Variants in MECOM observed in about 807,000 individuals in gnomAD.
The protein encoded by MECOM is histone-lysine N-methyltransferase MECOM.
A neutral mutation model predicts 116.3 loss-of-function variants in MECOM; 13 were observed. The observed-to-expected ratio is 0.11, with a 90% confidence interval of 0.07 to 0.18. The LOEUF (loss-of-function observed/expected upper bound fraction) is 0.18, where lower values mean the gene tolerates loss of function less well. Ranked by LOEUF, MECOM falls within the 10% of genes least tolerant of loss-of-function variation. The pLI is 1.00. For missense variants in MECOM, 1,299 were observed against 1,509.0 expected (o/e 0.86, Z 2.31); for synonymous variants, 528 against 535.2 (o/e 0.99, Z 0.19).
chr3:169,236,744 CAT>C (rs1754120224), intron 2 of MECOM, among the ~76,000 whole-genome samples: 1 of 152,148 alleles, frequency 6.6e-6, no homozygotes, highest in African/African-American at 2.4e-5. Context: ...GAATAAGTAA[CAT>C]ATATTTATAC....
chr3:169,232,252 C>T (rs1256403280), intron 2 of MECOM, among the ~76,000 whole-genome samples: 2 of 152,078 alleles, frequency 1.3e-5, no homozygotes, highest in African/African-American at 4.8e-5. Flanking sequence ...CCAAAAATTA[C>T]CATTTTGAGG....
intron 2 of MECOM, among the ~76,000 whole-genome samples, chr3:169,299,222 C>G (rs1716233005): frequency 6.6e-6 from 1 of 152,022 alleles, no homozygotes; most frequent in Non-Finnish European, 1.5e-5. Context: ...CTCAGGAGGC[C>G]CGTTTATTGC....
chr3:169,101,277 C>A (rs920876383), intron 11 of MECOM, among the ~76,000 whole-genome samples: 1 of 152,036 alleles, frequency 6.6e-6, no homozygotes, highest in Non-Finnish European at 1.5e-5. Context: ...CAAAATTGAA[C>A]CAGATAAGGG....
chr3:169,593,352 T>C (rs1265882824), intron 1 of MECOM, among the ~76,000 whole-genome samples: 2 of 152,200 alleles, frequency 1.3e-5, no homozygotes, highest in African/African-American at 4.8e-5. Flanking sequence ...GCTAACAAAC[T>C]AAATTCCACA....
intron 3 of MECOM, among the ~76,000 whole-genome samples, chr3:169,136,750 T>C (rs1736480512): frequency 6.6e-6 from 1 of 152,090 alleles, no homozygotes. Flanking sequence ...GTTTGTATTG[T>C]TGAGACAGAA....
At chr3:169,422,053 T>C (rs1739861443) in intron 1 of MECOM, among the ~76,000 whole-genome samples, 2 of 152,108 alleles carry the variant, frequency 1.3e-5, no homozygotes, top group African/African-American at 4.8e-5. Context: ...CAATTGTAAG[T>C]TTTATTTTTG....
At chr3:169,499,877 A>C (rs907803419) in intron 1 of MECOM, among the ~76,000 whole-genome samples, 1 of 151,996 alleles carries the variant, frequency 6.6e-6, no homozygotes, top group Non-Finnish European at 1.5e-5. Flanking sequence ...ATTAAGGGTA[A>C]CCAATAGAGG....
Position 169,221,544 on chromosome 3 carries a change from C to A in MECOM, c.376-77712G>T, listed in dbSNP as rs35304707. ...CTTTTTGCTGTACTCAAGAGCACAG[C>A]TTTTGGAGACGTAAAGAGATGTTAA... On this transcript the variant is annotated intron_variant, in intron 2 of 16. Transcript: ENST00000651503. Among the ~76,000 whole-genome samples, 410 of 146,780 alleles carry A rather than the reference C, an allele frequency of 2.8e-3. 3 individuals are homozygous for A. The highest frequency in any genetic ancestry group is 6.8e-3 in the Middle Eastern group (2 of 292).
At chr3:169,273,437 C>T (rs1341407404) in intron 2 of MECOM, among the ~76,000 whole-genome samples, 1 of 152,118 alleles carries the variant, frequency 6.6e-6, no homozygotes, top group East Asian at 1.9e-4. Flanking sequence ...TAGAAATAAG[C>T]AAATTGCATC....
chr3:169,336,081 G>C (rs1171017340), intron 2 of MECOM, among the ~76,000 whole-genome samples: 1 of 152,000 alleles, frequency 6.6e-6, no homozygotes, highest in Non-Finnish European at 1.5e-5. Flanking sequence ...TGGTGTTACT[G>C]TTTCTAATAT....
intron 1 of MECOM, among the ~76,000 whole-genome samples, chr3:169,649,670 A>C (rs1577282963): frequency 1.3e-5 from 2 of 152,182 alleles, no homozygotes; most frequent in African/African-American, 2.4e-5. Flanking sequence ...AATTTGATTG[A>C]TCTAACTTAA....
intron 1 of MECOM, among the ~76,000 whole-genome samples, chr3:169,655,371 G>A (rs2110102138): frequency 6.6e-6 from 1 of 152,240 alleles, no homozygotes; most frequent in Non-Finnish European, 1.5e-5. Flanking sequence ...ATTTAAAGAG[G>A]AGCAACCCAG....
intron 1 of MECOM, among the ~76,000 whole-genome samples, chr3:169,453,598 A>C (rs1158793354): frequency 6.6e-6 from 1 of 152,188 alleles, no homozygotes; most frequent in East Asian, 1.9e-4. Flanking sequence ...TCAATATCAT[A>C]TATGGAGTGT....
chr3:169,227,040 C>A (rs772736654), intron 2 of MECOM, among the ~76,000 whole-genome samples: 14 of 152,004 alleles, frequency 9.2e-5, no homozygotes, highest in Non-Finnish European at 1.5e-4. Flanking sequence ...GGCTGGACAC[C>A]ACAGCTTCCT....
intron 1 of MECOM, among the ~76,000 whole-genome samples, chr3:169,580,953 T>C (rs1765059725): frequency 6.6e-6 from 1 of 152,184 alleles, no homozygotes; most frequent in Non-Finnish European, 1.5e-5. Flanking sequence ...ACCAGCCAAA[T>C]ATTGTGGTGA....
intron 1 of MECOM, among the ~76,000 whole-genome samples, chr3:169,633,715 A>G (rs1772366210): frequency 6.6e-6 from 1 of 152,088 alleles, no homozygotes; most frequent in African/African-American, 2.4e-5. Context: ...ATCTGGTCTC[A>G]TCGTGCCTTG....
intron 2 of MECOM, among the ~76,000 whole-genome samples, chr3:169,253,035 T>A (rs1047025558): frequency 7.2e-5 from 11 of 152,316 alleles, no homozygotes; most frequent in Non-Finnish European, 8.8e-5. Context: ...TCAAAAGCCT[T>A]GTGAGTCTTA....
chr3:169,269,147 A>G (rs1447300661), intron 2 of MECOM: 1 of 152,022 alleles, frequency 6.6e-6, no homozygotes, highest in Admixed American at 6.5e-5. Context: ...TCGTGTTCTC[A>G]TGCTATTCCT....
chr3:169,654,528 A>G lies in MECOM; in HGVS notation c.37+8808T>C, dbSNP rs543762663. On this transcript the variant is annotated intron_variant, in intron 1 of 16. Coordinates refer to ENST00000651503, the MANE Select transcript of MECOM (RefSeq NM_004991.4). ...CTTCCTCTGAATATCCACAGTAGCC[A>G]AATGACTCCTTCTCCCACTGTGGAA... Among the ~76,000 whole-genome samples the G allele has an allele frequency of 5.9e-5, 9 of 152,306 alleles. No homozygotes were observed. The South Asian group carries it at 1.7e-3, about 28-fold the overall frequency.
Sources: gnomAD v4.1 joint callset for allele counts (sites outside exome capture counted in the v4.1 genomes callset) on GRCh38, gnomAD v4.1.1 for gene constraint, MANE v1.5 for transcripts, NCBI Gene and HGNC (gene_info 2026-07-23, HGNC 2026-07-21) for gene names.